The following COMMD1 variants were observed in gnomAD, a reference collection of about 807,000 sequenced individuals.
COMMD1 encodes the protein COMM domain-containing protein 1.
COMMD1 carries 10 observed loss-of-function variants against 17.2 expected under a neutral mutation model. The ratio of observed to expected loss-of-function variants is 0.58; its 90% confidence interval spans 0.36 to 0.99. The LOEUF is 0.99. Ranked by LOEUF, COMMD1 falls within the 50% of genes least tolerant of loss-of-function variation. The pLI is 0.01. For missense variants in COMMD1, 270 were observed against 231.8 expected, an observed-to-expected ratio of 1.17 and a Z score of -1.07; for synonymous variants, 97 against 91.6, an observed-to-expected ratio of 1.06 and a Z score of -0.34.
In COMMD1 at chr2:62,063,868, AATATATATATATAT is replaced by A. The variant is rs55740628; in HGVS notation, c.462+62903_462+62916del. On this transcript the variant is annotated intron_variant, in intron 2 of 2. Coordinates refer to ENST00000311832, the MANE Select transcript of COMMD1 (RefSeq NM_152516.4). ...CAACATAGTGACACTGTCTCTACAA[AATATATATATATAT>A]ATATATATATATATATTAGCCAGGC... Among the ~76,000 whole-genome samples the A allele has an allele frequency of 2.7e-4, 22 of 81,170 alleles. 1 individual carries two copies. The highest frequency in any genetic ancestry group is 3.6e-4 in the Non-Finnish European group (15 of 41,596). 53.3% of individuals were successfully genotyped at this position (81,170 alleles called of 152,430 possible).
intron 2 of COMMD1, among the ~76,000 whole-genome samples, chr2:62,044,340 T>G (rs1670321158): frequency 6.6e-6 from 1 of 152,224 alleles, no homozygotes; most frequent in African/African-American, 2.4e-5. Context: ...GATGTCATTT[T>G]CAAGGAGAGA....
At chr2:61,979,735 TG>T (rs1426275805) in intron 1 of COMMD1, among the ~76,000 whole-genome samples, 2 of 149,620 alleles carry the variant, frequency 1.3e-5, no homozygotes, top group Non-Finnish European at 3.0e-5. Context: ...GCCTGTCTTT[TG>T]GATATAAGTC....
intron 1 of COMMD1, among the ~76,000 whole-genome samples, chr2:61,957,285 G>T (rs1218467693): frequency 6.6e-6 from 1 of 152,118 alleles, no homozygotes; most frequent in Non-Finnish European, 1.5e-5. Context: ...TGGTTTGTGA[G>T]AGTGGTCTTT....
At chr2:61,947,871 A>G (rs1381103441) in intron 1 of COMMD1, among the ~76,000 whole-genome samples, 1 of 145,538 alleles carries the variant, frequency 6.9e-6, no homozygotes, top group Non-Finnish European at 1.5e-5. Flanking sequence ...TTTAAGACTT[A>G]TGAAACACAA....
chr2:61,899,514 CTG>C (rs1266294244), intron 1 of COMMD1, among the ~76,000 whole-genome samples: 9 of 152,018 alleles, frequency 5.9e-5, no homozygotes, highest in Non-Finnish European at 1.3e-4. Flanking sequence ...TTAAATAAGT[CTG>C]TATGTCTTTC....
intron 2 of COMMD1, among the ~76,000 whole-genome samples, chr2:62,117,917 A>T (rs1051449950): frequency 6.6e-6 from 1 of 151,932 alleles, no homozygotes; most frequent in Non-Finnish European, 1.5e-5. Context: ...CAACTTTTCT[A>T]TTCTCTCCAC....
At chr2:62,055,886 C>A (rs1010193511) in intron 2 of COMMD1, among the ~76,000 whole-genome samples, 1 of 152,152 alleles carries the variant, frequency 6.6e-6, no homozygotes, top group African/African-American at 2.4e-5. Flanking sequence ...GGCACGCAGT[C>A]CAGGTTGATG....
intron 1 of COMMD1, among the ~76,000 whole-genome samples, chr2:61,948,118 C>T (rs1013609233): frequency 2.6e-5 from 4 of 151,882 alleles, no homozygotes; most frequent in Non-Finnish European, 5.9e-5. Flanking sequence ...TTTAATAAAT[C>T]AACAATATTA....
chr2:62,050,935 C>G (rs942473469), intron 2 of COMMD1, among the ~76,000 whole-genome samples: 1 of 152,016 alleles, frequency 6.6e-6, no homozygotes, highest in African/African-American at 2.4e-5. Flanking sequence ...AAATTGGCAG[C>G]TTTTTGACAA....
At chr2:61,938,345 A>G (rs924150461) in intron 1 of COMMD1, among the ~76,000 whole-genome samples, 14 of 152,050 alleles carry the variant, frequency 9.2e-5, no homozygotes, top group Non-Finnish European at 1.9e-4. Context: ...AAGGGAAGGA[A>G]GCCTCAGATG....
intron 1 of COMMD1, among the ~76,000 whole-genome samples, chr2:61,959,870 A>G (rs1163704632): frequency 6.6e-6 from 1 of 152,200 alleles, no homozygotes; most frequent in Non-Finnish European, 1.5e-5. Flanking sequence ...TGACACGTCT[A>G]CCCTACTGCT....
At chr2:61,907,534 T>A (rs989217559) in intron 1 of COMMD1, among the ~76,000 whole-genome samples, 1 of 152,118 alleles carries the variant, frequency 6.6e-6, no homozygotes, top group South Asian at 2.1e-4. Flanking sequence ...TTCTGCAGGC[T>A]AAGAAGAGAC....
upstream of COMMD1, among the ~76,000 whole-genome samples, chr2:61,904,645 C>G (rs1669728592): frequency 6.6e-6 from 1 of 152,152 alleles, no homozygotes; most frequent in Admixed American, 6.5e-5. Context: ...ATTATAAATT[C>G]CTTTTCATTT....
chr2:62,064,297 C>G (rs1670964546), intron 2 of COMMD1, among the ~76,000 whole-genome samples: 1 of 152,004 alleles, frequency 6.6e-6, no homozygotes, highest in Non-Finnish European at 1.5e-5. Context: ...CTTCAGCTTC[C>G]CAAGTAGCAG....
intron 2 of COMMD1, among the ~76,000 whole-genome samples, chr2:62,114,430 T>C (rs141911582): frequency 3.9e-5 from 6 of 152,344 alleles, no homozygotes; most frequent in African/African-American, 1.4e-4. Context: ...GGAAATGAAG[T>C]ATGAATGGCA....
intron 1 of COMMD1, among the ~76,000 whole-genome samples, chr2:61,978,410 G>A (rs1396548350): frequency 6.6e-6 from 1 of 152,094 alleles, no homozygotes; most frequent in Non-Finnish European, 1.5e-5. Flanking sequence ...TAAAAGACAG[G>A]CTTTGGGGTT....
At chr2:61,913,900 G>C (rs973129606) in intron 1 of COMMD1, among the ~76,000 whole-genome samples, 5 of 151,684 alleles carry the variant, frequency 3.3e-5, no homozygotes, top group African/African-American at 4.8e-5. Flanking sequence ...CCCTGGGTGC[G>C]GTGGCTCACG....
intron 2 of COMMD1, among the ~76,000 whole-genome samples, chr2:62,112,503 G>A (rs1253080854): frequency 6.6e-6 from 1 of 152,188 alleles, no homozygotes; most frequent in Non-Finnish European, 1.5e-5. Context: ...AGAGCTGGTA[G>A]TTAAAATGTT....
intron 2 of COMMD1, among the ~76,000 whole-genome samples, chr2:62,065,276 A>G (rs1670999579): frequency 6.6e-6 from 1 of 151,672 alleles, no homozygotes; most frequent in East Asian, 1.9e-4. Context: ...GAACAAAACT[A>G]ATTATAACTC....
Sources: gnomAD v4.1 joint callset for allele counts (sites outside exome capture counted in the v4.1 genomes callset) on GRCh38, gnomAD v4.1.1 for gene constraint, MANE v1.5 for transcripts, NCBI Gene and HGNC (gene_info 2026-07-23, HGNC 2026-07-21) for gene names.